CNKSR2: variants seen among roughly 807,000 people sequenced by gnomAD.
CNKSR2 encodes the protein CNK homolog protein 2.
Under a neutral mutation model 84.4 loss-of-function variants are expected in CNKSR2, and 14 were observed. The ratio of observed to expected loss-of-function variants is 0.17; its 90% CI spans 0.11 to 0.26. The LOEUF is 0.26. Among genes scored for constraint, CNKSR2 ranks in the 10% least tolerant of loss-of-function variants. The pLI is 1.00. For missense variants in CNKSR2, 485 were observed against 771.2 expected, an observed-to-expected ratio of 0.63 and a Z score of 4.40; for synonymous variants, 275 against 277.9, an observed-to-expected ratio of 0.99 and a Z score of 0.10.
intron 10 of CNKSR2, among the ~76,000 whole-genome samples, chrX:21,531,114 T>A (rs986637668): frequency 2.7e-5 from 3 of 111,289 alleles, no homozygotes; most frequent in Non-Finnish European, 5.7e-5. Context: ...AGAGTTTGAA[T>A]ACTGAGAATA....
chrX:21,649,052 A>G (rs1459681799), intron 21 of CNKSR2, 25 bp downstream of exon 21: 3 of 1,076,986 alleles, frequency 2.8e-6, no homozygotes, highest in Admixed American at 4.8e-5. Context: ...GGAAGGACAA[A>G]TTTCTTTGAA....
chrX:21,390,388 G>A (rs2090032346), intron 1 of CNKSR2, among the ~76,000 whole-genome samples: 1 of 111,061 alleles, frequency 9.0e-6, no homozygotes, highest in African/African-American at 3.3e-5. Context: ...AGTTCCACAG[G>A]CTGTACAGGA....
At position 21,398,964 on chromosome X, in the gene CNKSR2, G is replaced by A. The variant is rs557694976; in HGVS notation, c.64+24003G>A. 8.3e-5 allele frequency among the ~76,000 whole-genome samples: 9 copies of A among 108,147 alleles called. No individual in the cohort carries two copies. The South Asian group carries it at 2.8e-3, about 34-fold the overall frequency. 93.9% of individuals were successfully genotyped at this position (108,147 alleles called of 115,157 possible). On this transcript the variant is annotated intron_variant, in intron 1 of 21. Coordinates refer to ENST00000379510, the MANE Select transcript of CNKSR2 (RefSeq NM_014927.5). Reference sequence around the variant, plus strand: ...GTTACTGTATTTTTTTTTTTAATGCGTTAACCACTCTCAACCTAGGTAGCA... The same window carrying A: ...GTTACTGTATTTTTTTTTTTAATGCATTAACCACTCTCAACCTAGGTAGCA...
At chrX:21,615,736 A>G (rs768330278) in intron 20 of CNKSR2, among the ~76,000 whole-genome samples, 9 of 111,820 alleles carry the variant, frequency 8.0e-5, no homozygotes, top group Middle Eastern at 4.7e-3. Flanking sequence ...GGCAATTACA[A>G]TACTTAAATA....
At chrX:21,589,451 AAAG>A (rs772338293) in intron 13 of CNKSR2, among the ~76,000 whole-genome samples, 14 of 112,395 alleles carry the variant, frequency 1.2e-4, no homozygotes, top group African/African-American at 4.5e-4. Context: ...TTGTAAAGAA[AAAG>A]AAGAATCTGT....
chrX:21,497,475 G>A (rs1167126546), intron 6 of CNKSR2, among the ~76,000 whole-genome samples: 2 of 111,038 alleles, frequency 1.8e-5, no homozygotes, highest in African/African-American at 6.5e-5. Flanking sequence ...ATGGGTTTTT[G>A]GGGAGAGTGA....
intron 5 of CNKSR2, among the ~76,000 whole-genome samples, chrX:21,474,228 A>G (rs993619217): frequency 4.5e-5 from 5 of 111,237 alleles, no homozygotes; most frequent in African/African-American, 1.3e-4. Flanking sequence ...CTTTTCAAAG[A>G]TGAATTAATA....
chrX:21,552,441 A>G (rs969288435), intron 11 of CNKSR2, among the ~76,000 whole-genome samples: 4 of 111,971 alleles, frequency 3.6e-5, no homozygotes, highest in South Asian at 3.7e-4. Context: ...CAGCTTCCCA[A>G]TGGAACTAAT....
chrX:21,635,404 G>GTATA (rs1295574615), intron 20 of CNKSR2, among the ~76,000 whole-genome samples: 1 of 101,398 alleles, frequency 9.9e-6, no homozygotes, highest in Non-Finnish European at 2.0e-5. Context: ...GTGTGTGTGT[G>GTATA]TGTGTATATA....
chrX:21,417,178 G>C (rs1324977569), intron 1 of CNKSR2, among the ~76,000 whole-genome samples: 3 of 110,810 alleles, frequency 2.7e-5, no homozygotes, highest in African/African-American at 9.8e-5. Context: ...TGATCCACTT[G>C]TCATTTGGAA....
At chrX:21,647,767 G>T (rs892863573) in intron 20 of CNKSR2, among the ~76,000 whole-genome samples, 11 of 111,581 alleles carry the variant, frequency 9.9e-5, no homozygotes, top group African/African-American at 3.6e-4. Context: ...TTTTGAAACT[G>T]TCAGAAAGCC....
chrX:21,478,319 C>T (rs965505994), intron 5 of CNKSR2, among the ~76,000 whole-genome samples: 1 of 111,414 alleles, frequency 9.0e-6, no homozygotes, highest in African/African-American at 3.3e-5. Flanking sequence ...TTCTCCACAA[C>T]TGATGCCTCA....
intron 11 of CNKSR2, among the ~76,000 whole-genome samples, chrX:21,546,475 G>A (rs2092026859): frequency 9.0e-6 from 1 of 110,581 alleles, no homozygotes; most frequent in Non-Finnish European, 1.9e-5. Context: ...AAAGTGACTG[G>A]GAGAATGGAA....
chrX:21,508,763 C>T (rs1363052228), intron 8 of CNKSR2, among the ~76,000 whole-genome samples: 1 of 111,781 alleles, frequency 8.9e-6, no homozygotes, highest in African/African-American at 3.2e-5. Flanking sequence ...ATACAAAGTC[C>T]GCAGTTAATA....
At chrX:21,495,391 A>G (rs866400984) in intron 6 of CNKSR2, 43 of 111,953 alleles carry the variant, frequency 3.8e-4, no homozygotes, top group African/African-American at 1.3e-3. Flanking sequence ...AATGGTGGTG[A>G]TAGATAATGA....
At chrX:21,520,220 T>C (rs2091768795) in intron 9 of CNKSR2, among the ~76,000 whole-genome samples, 1 of 111,461 alleles carries the variant, frequency 9.0e-6, no homozygotes, top group Non-Finnish European at 1.9e-5. Flanking sequence ...TGATAGAACG[T>C]AAGGACTTAA....
At chrX:21,619,528 C>T (rs1025495978) in intron 20 of CNKSR2, among the ~76,000 whole-genome samples, 2 of 111,187 alleles carry the variant, frequency 1.8e-5, no homozygotes, top group African/African-American at 3.3e-5. Context: ...ATAAATCATC[C>T]GTAGAATGTA....
chrX:21,435,524 C>T (rs947427783), intron 3 of CNKSR2, among the ~76,000 whole-genome samples: 3 of 111,487 alleles, frequency 2.7e-5, no homozygotes. Context: ...CATTTTTTCT[C>T]CTATTTAAAA....
At chrX:21,567,797 TG>T (rs1180119139) in intron 13 of CNKSR2, among the ~76,000 whole-genome samples, 42 of 4,036 alleles carry the variant, frequency 0.01, 1 homozygote, top group South Asian at 0.016. Context: ...TTTTGTGTGG[TG>T]TGTGTGTGTG....
Sources: gnomAD v4.1 joint callset for allele counts (sites outside exome capture counted in the v4.1 genomes callset) on GRCh38, gnomAD v4.1.1 for gene constraint, MANE v1.5 for transcripts, NCBI Gene and HGNC (gene_info 2026-07-23, HGNC 2026-07-21) for gene names.